CTNND2: variants seen among roughly 807,000 people sequenced by gnomAD.
The protein encoded by CTNND2 is catenin delta 2.
In CTNND2, 22 loss-of-function variants were observed where a neutral mutation model predicts 144.4. The ratio of observed to expected loss-of-function variants is 0.15; its 90% CI spans 0.11 to 0.22. The LOEUF is 0.22. Among genes scored for constraint, CTNND2 ranks in the 10% least tolerant of loss-of-function variants. The probability of loss-of-function intolerance (pLI) is 1.00; values close to 1 mark genes in which losing one functional copy is unlikely to be tolerated. For synonymous variants in CTNND2, 751 were observed against 695.6 expected (o/e 1.08, Z -1.25); for missense variants, 1,353 against 1,618.8 (o/e 0.84, Z 2.82).
intron 1 of CTNND2, among the ~76,000 whole-genome samples, chr5:11,845,793 T>G (rs1444027690): frequency 6.6e-6 from 1 of 152,190 alleles, no homozygotes; most frequent in Non-Finnish European, 1.5e-5. Flanking sequence ...ATAAAATCAG[T>G]AAGATATCAA....
intron 1 of CTNND2, among the ~76,000 whole-genome samples, chr5:11,777,385 T>C (rs1221084121): frequency 6.6e-6 from 1 of 152,256 alleles, no homozygotes; most frequent in Non-Finnish European, 1.5e-5. Flanking sequence ...ATATCTACCT[T>C]AGTATTTCAT....
At chr5:11,425,987 T>A (rs1581168445) in intron 3 of CTNND2, among the ~76,000 whole-genome samples, 2 of 152,318 alleles carry the variant, frequency 1.3e-5, no homozygotes, top group Middle Eastern at 3.4e-3. Flanking sequence ...CCCCTCGGCC[T>A]GCCTTTAGCA....
intron 2 of CTNND2, among the ~76,000 whole-genome samples, chr5:11,716,831 T>C (rs1445943663): frequency 1.3e-5 from 2 of 151,362 alleles, no homozygotes; most frequent in East Asian, 3.9e-4. Flanking sequence ...GGATTACAGG[T>C]GTCCATCATC....
chr5:11,481,718 C>T lies in CTNND2; in HGVS notation c.288-69649G>A, dbSNP rs989718065. 1.1e-4 allele frequency among the ~76,000 whole-genome samples: 16 copies of T among 151,948 alleles called. 1 individual carries two copies. The highest frequency in any genetic ancestry group is 3.9e-4 in the Admixed American group (6 of 15,256). On this transcript the variant is annotated intron_variant, in intron 3 of 21. Transcript: ENST00000304623. The stretch of plus-strand genomic sequence containing the variant: ...GAACCTAAAAGGAATTATCTGGGTG[C>T]CTCACACACAAAGGAAGGTTGAGTA...
At chr5:11,836,222 T>C (rs999225353) in intron 1 of CTNND2, among the ~76,000 whole-genome samples, 4 of 152,140 alleles carry the variant, frequency 2.6e-5, no homozygotes, top group Non-Finnish European at 5.9e-5. Flanking sequence ...TTTTTATACA[T>C]AATTTATAAA....
At chr5:11,525,594 G>A (rs892451722) in intron 3 of CTNND2, among the ~76,000 whole-genome samples, 3 of 152,146 alleles carry the variant, frequency 2.0e-5, no homozygotes, top group African/African-American at 2.4e-5. Flanking sequence ...GTTAAAAAGC[G>A]TTCATTGTCC....
At chr5:11,523,010 T>G (rs1197704613) in intron 3 of CTNND2, among the ~76,000 whole-genome samples, 1 of 152,210 alleles carries the variant, frequency 6.6e-6, no homozygotes, top group Non-Finnish European at 1.5e-5. Flanking sequence ...GTGGAGCTAT[T>G]TGGCATGGTT....
At chr5:11,072,395 A>C (rs1405593431) in intron 16 of CTNND2, among the ~76,000 whole-genome samples, 1 of 152,250 alleles carries the variant, frequency 6.6e-6, no homozygotes, top group Non-Finnish European at 1.5e-5. Flanking sequence ...TTAGGAAATA[A>C]GCCACTCTAT....
intron 9 of CTNND2, among the ~76,000 whole-genome samples, chr5:11,307,672 T>C (rs899679353): frequency 3.9e-5 from 6 of 152,126 alleles, no homozygotes; most frequent in African/African-American, 1.4e-4. Context: ...AGTCTAATGA[T>C]GAAAAAAGTA....
Position 10,988,046 on chromosome 5 carries a change from A to G in CTNND2, c.3343+65T>C, listed in dbSNP as rs1025131858. On this transcript the variant is annotated intron_variant, in intron 20 of 21. Coordinates refer to ENST00000304623, the MANE Select transcript of CTNND2 (RefSeq NM_001332.4). The surrounding 1 kb of genome is among the most constrained non-coding windows in gnomAD (Gnocchi z 5.9). ...CCAGCCCCGTGAAGCCTGATGTCCC[A>G]TATCTCTGCCTTGTCGCGGGTCAAG... 2.2e-5 allele frequency: 36 copies of G among 1,604,486 alleles called. No homozygotes were observed. Among genetic ancestry groups the G allele is most frequent in the Middle Eastern group, 1.7e-4 (1 of 5,814 alleles).
chr5:11,028,908 C>G (rs924487098), intron 16 of CTNND2, among the ~76,000 whole-genome samples: 1 of 152,188 alleles, frequency 6.6e-6, no homozygotes, highest in African/African-American at 2.4e-5. Context: ...CAGGGTGTCA[C>G]TATGTTGGCC....
At chr5:11,445,420 G>A (rs978445252) in intron 3 of CTNND2, among the ~76,000 whole-genome samples, 13 of 152,172 alleles carry the variant, frequency 8.5e-5, no homozygotes, top group South Asian at 2.1e-4. Flanking sequence ...CGTTCTAGGG[G>A]ACACAATTTG....
rs141130526 is a variant in CTNND2 at position 11,329,929 on chromosome 5, C to T, written c.1628+16443G>A. ...TCTTTCATACCCCTCTGGAAACTTACAACAAGCTCCTATTGACTGAGATAA... is the reference window on the plus strand; with the variant it reads ...TCTTTCATACCCCTCTGGAAACTTATAACAAGCTCCTATTGACTGAGATAA... On this transcript the variant is annotated intron_variant, in intron 9 of 21. Coordinates refer to ENST00000304623, the MANE Select transcript of CTNND2 (RefSeq NM_001332.4). 6.4e-3 allele frequency among the ~76,000 whole-genome samples: 981 copies of T among 152,252 alleles called. 13 individuals carry two copies. Among genetic ancestry groups the T allele is most frequent in the African/African-American group, 0.022 (923 of 41,542 alleles).
intron 1 of CTNND2, among the ~76,000 whole-genome samples, chr5:11,832,534 G>A (rs1039880500): frequency 2.0e-5 from 3 of 152,170 alleles, no homozygotes; most frequent in African/African-American, 7.2e-5. Flanking sequence ...AAGAGAGACA[G>A]TTAGAAAATA....
intron 11 of CTNND2, among the ~76,000 whole-genome samples, chr5:11,177,722 C>A (rs78875752): frequency 2.0e-5 from 3 of 152,154 alleles, no homozygotes; most frequent in African/African-American, 7.2e-5. Flanking sequence ...AAATTTATAT[C>A]ATCCATCTAA....
chr5:11,017,699 G>T (rs1180193387), intron 18 of CTNND2, among the ~76,000 whole-genome samples: 1 of 150,320 alleles, frequency 6.7e-6, no homozygotes, highest in Non-Finnish European at 1.5e-5. Context: ...GTCTACTGTA[G>T]AATACTGAAG....
At position 11,379,074 on chromosome 5, in the gene CTNND2, A is replaced by G. The variant is rs530010627; in HGVS notation, c.1177+5591T>C. ...TGACTCAACTTCAATGCATGTCTAC[A>G]ACTCGTATTTCTTTTCAAAACAGGA... On this transcript the variant is annotated intron_variant, in intron 7 of 21. Transcript: ENST00000304623. 5.9e-5 allele frequency among the ~76,000 whole-genome samples: 9 copies of G among 152,300 alleles called. No individual in the cohort carries two copies. In the Middle Eastern group the frequency reaches 0.01, roughly 174 times the overall value.
chr5:11,813,553 C>A (rs1792463159), intron 1 of CTNND2, among the ~76,000 whole-genome samples: 1 of 152,168 alleles, frequency 6.6e-6, no homozygotes, highest in Admixed American at 6.5e-5. Context: ...AAATGCATAT[C>A]CAAATATCCT....
chr5:11,849,174 C>A (rs1794896594), intron 1 of CTNND2, among the ~76,000 whole-genome samples: 1 of 152,134 alleles, frequency 6.6e-6, no homozygotes, highest in Admixed American at 6.5e-5. Context: ...TACAACGCAG[C>A]AGGCAAGAGA....
Sources: gnomAD v4.1 joint callset for allele counts (sites outside exome capture counted in the v4.1 genomes callset) on GRCh38, gnomAD v4.1.1 for gene constraint, Gnocchi (gnomAD v3.1) non-coding constraint, MANE v1.5 for transcripts, NCBI Gene and HGNC (gene_info 2026-07-23, HGNC 2026-07-21) for gene names.